MAGI3: variants seen among roughly 807,000 people sequenced by gnomAD.
The protein encoded by MAGI3 is membrane associated guanylate kinase, WW and PDZ domain containing 3.
Under a neutral mutation model 121.8 loss-of-function variants are expected in MAGI3, and 43 were observed. The ratio of observed to expected loss-of-function variants is 0.35; its 90% CI spans 0.28 to 0.46. The LOEUF is 0.46. Ranked by LOEUF, MAGI3 falls within the 20% of genes least tolerant of loss-of-function variation. The pLI, the probability that MAGI3 is intolerant of heterozygous loss-of-function variation, is 1.00. For missense variants in MAGI3, 1,547 were observed against 1,797.3 expected (o/e 0.86, Z 2.52); for synonymous variants, 553 against 639.3 (o/e 0.86, Z 2.04).
intron 4 of MAGI3, among the ~76,000 whole-genome samples, chr1:113,587,230 C>T (rs191595584): frequency 7.2e-4 from 110 of 152,234 alleles, no homozygotes; most frequent in Middle Eastern, 3.4e-3. Flanking sequence ...CAGAGTCTCC[C>T]TTTGTTGCTC....
rs61819425 is a variant in MAGI3 at position 113,593,996 on chromosome 1, G to A, written c.939-485G>A. On this transcript the variant is annotated intron_variant, in intron 5 of 20. Coordinates refer to ENST00000307546, the MANE Select transcript of MAGI3 (RefSeq NM_001142782.2). ...TTATTTTAAAGAGTCCCTGAGGGCA[G>A]GAGCTCTATCTGATGTTTATTTATC... 6.8e-3 allele frequency among the ~76,000 whole-genome samples: 1,033 copies of A among 152,284 alleles called. 6 individuals are homozygous for A. The highest frequency in any genetic ancestry group is 0.011 in the Non-Finnish European group (757 of 68,012).
chr1:113,513,008 A>G (rs898954113), intron 1 of MAGI3, among the ~76,000 whole-genome samples: 21 of 152,210 alleles, frequency 1.4e-4, no homozygotes, highest in Non-Finnish European at 2.4e-4. Flanking sequence ...CCAAATCATG[A>G]GTGAACTCCC....
intron 1 of MAGI3, among the ~76,000 whole-genome samples, chr1:113,538,475 T>C (rs17031645): frequency 0.067 from 10,231 of 152,310 alleles, 383 homozygotes; most frequent in African/African-American, 0.075. Context: ...TTGCTAATGA[T>C]TCCTGATGTG....
At chr1:113,415,754 T>C (rs776240819) in intron 1 of MAGI3, among the ~76,000 whole-genome samples, 1 of 152,036 alleles carries the variant, frequency 6.6e-6, no homozygotes, top group Non-Finnish European at 1.5e-5. Context: ...CACCAGAATA[T>C]GCTTTGTACT....
chr1:113,599,001 C>G (rs1455401956), intron 6 of MAGI3, among the ~76,000 whole-genome samples: 2 of 152,142 alleles, frequency 1.3e-5, no homozygotes, highest in Non-Finnish European at 2.9e-5. Context: ...CCTCTGCACA[C>G]TGCTTTGAAT....
intron 1 of MAGI3, among the ~76,000 whole-genome samples, chr1:113,409,995 A>C (rs1278857865): frequency 2.0e-5 from 3 of 152,088 alleles, no homozygotes; most frequent in Non-Finnish European, 4.4e-5. Flanking sequence ...ATGATTCTGG[A>C]AAGTATGAGG....
chr1:113,535,799 T>C (rs1658949003), intron 1 of MAGI3, among the ~76,000 whole-genome samples: 1 of 152,126 alleles, frequency 6.6e-6, no homozygotes, highest in Admixed American at 6.6e-5. Context: ...TTCAGAGCTC[T>C]TCTCTGAATT....
At chr1:113,518,329 G>T (rs780686605) in intron 1 of MAGI3, among the ~76,000 whole-genome samples, 1 of 151,996 alleles carries the variant, frequency 6.6e-6, no homozygotes, top group Non-Finnish European at 1.5e-5. Context: ...TTCAATAGTA[G>T]TAATGAGATG....
intron 1 of MAGI3, among the ~76,000 whole-genome samples, chr1:113,512,124 G>T (rs1657645038): frequency 2.0e-5 from 3 of 152,054 alleles, no homozygotes; most frequent in Admixed American, 1.3e-4. Context: ...ATTATTCTTA[G>T]GGCAAGACAA....
intron 1 of MAGI3, among the ~76,000 whole-genome samples, chr1:113,448,204 G>T (rs1006843697): frequency 9.9e-5 from 15 of 152,136 alleles, no homozygotes; most frequent in African/African-American, 3.6e-4. Flanking sequence ...GGGCTTTTTG[G>T]TGATCTTTCT....
At chr1:113,628,021 G>A (rs1651350144) in intron 9 of MAGI3, among the ~76,000 whole-genome samples, 1 of 151,970 alleles carries the variant, frequency 6.6e-6, no homozygotes, top group Admixed American at 6.6e-5. Flanking sequence ...TATGGATTGA[G>A]TGTTATTAAT....
intron 1 of MAGI3, among the ~76,000 whole-genome samples, chr1:113,513,597 C>T (rs1313574570): frequency 6.6e-6 from 1 of 152,008 alleles, no homozygotes; most frequent in Non-Finnish European, 1.5e-5. Flanking sequence ...AAACTGGATC[C>T]CTTCCTCACA....
chr1:113,468,613 C>T (rs573826972), intron 1 of MAGI3, among the ~76,000 whole-genome samples: 2 of 152,214 alleles, frequency 1.3e-5, no homozygotes, highest in South Asian at 4.1e-4. Context: ...CCGGTAGCAT[C>T]TGCATTGAGA....
chr1:113,496,591 C>T (rs892954333), intron 1 of MAGI3, among the ~76,000 whole-genome samples: 5 of 152,096 alleles, frequency 3.3e-5, no homozygotes. Context: ...GTTTGTTTAT[C>T]TGTTTATTGA....
chr1:113,538,840 G>A (rs1659127193), intron 1 of MAGI3, among the ~76,000 whole-genome samples: 1 of 152,116 alleles, frequency 6.6e-6, no homozygotes, highest in Non-Finnish European at 1.5e-5. Context: ...TAGGAATGGT[G>A]AAAATAATAT....
At chr1:113,542,075 A>T (rs1427400054) in intron 1 of MAGI3, among the ~76,000 whole-genome samples, 1 of 152,134 alleles carries the variant, frequency 6.6e-6, no homozygotes, top group Non-Finnish European at 1.5e-5. Flanking sequence ...TTAGGATCTA[A>T]GTTGTAAATT....
chr1:113,543,388 T>G (rs905681984), intron 1 of MAGI3, among the ~76,000 whole-genome samples: 6 of 152,226 alleles, frequency 3.9e-5, no homozygotes, highest in African/African-American at 7.2e-5. Flanking sequence ...TTGAAGAAAT[T>G]GATGAAGAAT....
intron 2 of MAGI3, 62 bp downstream of exon 2, chr1:113,549,693 T>C (rs1451918224): frequency 2.4e-6 from 2 of 823,498 alleles, no homozygotes; most frequent in African/African-American, 1.7e-5. Context: ...TAATTAAACA[T>C]CTACAGATAG....
intron 1 of MAGI3, among the ~76,000 whole-genome samples, chr1:113,439,588 C>T (rs992553966): frequency 9.2e-5 from 14 of 152,122 alleles, no homozygotes; most frequent in African/African-American, 3.1e-4. Flanking sequence ...TGACTTTGAG[C>T]TCCGTGAGAA....
Sources: allele counts gnomAD v4.1 joint callset (sites outside exome capture counted in the v4.1 genomes callset), GRCh38; gene constraint gnomAD v4.1.1; transcripts MANE v1.5; gene names NCBI Gene and HGNC (gene_info 2026-07-23, HGNC 2026-07-21).